DCAF15: variants seen among roughly 807,000 people sequenced by gnomAD.
DCAF15 encodes the protein DDB1 and CUL4 associated factor 15.
A neutral mutation model predicts 68.0 loss-of-function variants in DCAF15; 24 were observed. The ratio of observed to expected loss-of-function variants is 0.35; its 90% CI spans 0.26 to 0.50. The LOEUF is 0.50. DCAF15 is among the 20% of genes least tolerant of loss of function. DCAF15 has a pLI of 0.98. For synonymous variants in DCAF15, 376 were observed against 341.6 expected (o/e 1.10, Z -1.11); for missense variants, 627 against 830.6 (o/e 0.75, Z 3.01).
intron 1 of DCAF15, among the ~76,000 whole-genome samples, 193 bp from the exon 2 acceptor site, chr19:13,954,147 G>A (rs1372309577): frequency 6.6e-6 from 1 of 152,198 alleles, no homozygotes; most frequent in Non-Finnish European, 1.5e-5. Context: ...GAAGGCTCAA[G>A]CGCGGTCCAT....
chr19:13,958,380 G>A (rs550093142), intron 6 of DCAF15, among the ~76,000 whole-genome samples: 1 of 152,186 alleles, frequency 6.6e-6, no homozygotes, highest in African/African-American at 2.4e-5. Context: ...ATTTTTCTCA[G>A]ATGTGACCTT....
At chr19:13,954,077 A>G (rs1486777978) in intron 1 of DCAF15, among the ~76,000 whole-genome samples, 1 of 152,126 alleles carries the variant, frequency 6.6e-6, no homozygotes, top group African/African-American at 2.4e-5. Context: ...CTCAGTCAAG[A>G]GGGACCTGAG....
chr19:13,959,349 C>G lies in DCAF15; in HGVS notation c.1089C>G (p.Ala363=). The G allele has an allele frequency of 1.2e-6, 2 of 1,606,174 alleles. No individual in the cohort carries two copies. Among genetic ancestry groups the G allele is most frequent in the Non-Finnish European group, 1.7e-6 (2 of 1,179,758 alleles). ...GCCGTGCGCACTCTGAGCCCCTAGC[C>G]CTGTGTGGAGAGACGGCACCCCGGG... ...SRCRAHSEPL[A]LCGETAPRDS... is the part of the protein sequence containing the mutation. The change falls in exon 7 of 13, where the codon GCC becomes GCG. Residue 363 remains alanine (A), a synonymous_variant. Transcript: ENST00000254337.
In DCAF15 at chr19:13,960,551, A is replaced by G. The variant is rs1455097245; in HGVS notation, c.1718A>G (p.Asn573Ser). Residue 573 changes from asparagine to serine, a missense_variant, in exon 12 of 13, where the codon AAC (asparagine) becomes AGC (serine). Around this residue, in one of 3 missense-constraint regions of DCAF15, gnomAD observed 118 missense variants for 211.8 expected, o/e 0.56. Transcript: ENST00000254337. ...CCGGAGAGCAGCGGCCGCTACGTCA[A>G]CAGGATGACCAATGAGGCGCTGCAC... ...LVPESSGRYV[N>S]RMTNEALHKG... 1.9e-6 allele frequency: 3 copies of G among 1,598,976 alleles called. No individual in the cohort carries two copies. Among genetic ancestry groups the G allele is most frequent in the Admixed American group, 1.8e-5 (1 of 56,694 alleles).
chr19:13,960,359 A>G lies in DCAF15; in HGVS notation c.1599A>G (p.Val533=). ...LNTGIFETVS[V]GDLTEVKGQT... The stretch of plus-strand genomic sequence containing the variant: ...CAGGGATCTTCGAGACAGTCAGTGT[A>G]GGCGACCTGACTGAGGTCAAAGGGC... The change falls in exon 11 of 13, where the codon GTA becomes GTG. Residue 533 remains valine (V), a synonymous_variant. Coordinates refer to ENST00000254337, the MANE Select transcript of DCAF15 (RefSeq NM_138353.4). The G allele has an allele frequency of 1.9e-6, 3 of 1,614,056 alleles. No individual in the cohort carries two copies. Among genetic ancestry groups the G allele is most frequent in the Non-Finnish European group, 2.5e-6 (3 of 1,180,002 alleles).
intron 6 of DCAF15, 61 bp downstream of exon 6, chr19:13,956,583 A>G: frequency 1.3e-6 from 2 of 1,574,536 alleles, no homozygotes; most frequent in South Asian, 2.2e-5. Flanking sequence ...TCCCTACCCC[A>G]CCACACAGAC....
intron 6 of DCAF15, among the ~76,000 whole-genome samples, chr19:13,958,362 C>A (rs767143310): frequency 6.6e-6 from 1 of 152,000 alleles, no homozygotes; most frequent in Non-Finnish European, 1.5e-5. Context: ...GAGGGGAGCC[C>A]GTACTCGATT....
At chr19:13,957,757 G>T (rs1443367290) in intron 6 of DCAF15, among the ~76,000 whole-genome samples, 1 of 152,006 alleles carries the variant, frequency 6.6e-6, no homozygotes, top group African/African-American at 2.4e-5. Flanking sequence ...AAAAATATAA[G>T]AATTAGCTGG....
At position 13,960,447 on chromosome 19, in the gene DCAF15, C is replaced by T; in HGVS notation, c.1632-18C>T. 8 of 1,611,766 alleles carry T rather than the reference C, an allele frequency of 5.0e-6. No homozygotes were observed. Among genetic ancestry groups the T allele is most frequent in the Non-Finnish European group, 6.8e-6 (8 of 1,178,972 alleles). The stretch of plus-strand genomic sequence containing the variant: ...CGCGGCCAAGGCGACGAGAGCCACT[C>T]ACCCCCTGGCCCCGCAGCGGCAGTG... On this transcript the variant is annotated intron_variant, in intron 11 of 12. Coordinates refer to ENST00000254337, the MANE Select transcript of DCAF15 (RefSeq NM_138353.4).
In DCAF15 at chr19:13,959,118, C is replaced by G; in HGVS notation, c.858C>G (p.Pro286=). The G allele has an allele frequency of 6.2e-7, 1 of 1,612,602 alleles. No homozygotes were observed. The highest frequency in any genetic ancestry group is 8.5e-7 in the Non-Finnish European group (1 of 1,179,738). ...CPLAPASPPE[P]QSPELPPALP... is the part of the protein sequence containing the mutation. Reference sequence around the variant, plus strand: ...TGGCGCCTGCCAGCCCCCCTGAGCCCCAGAGCCCAGAGCTGCCCCCTGCCC... The same window carrying G: ...TGGCGCCTGCCAGCCCCCCTGAGCCGCAGAGCCCAGAGCTGCCCCCTGCCC... The change falls in exon 7 of 13, where the codon CCC becomes CCG. Residue 286 remains proline (P), a synonymous_variant. Transcript: ENST00000254337.
At chr19:13,953,666 G>A (rs1400842374) in intron 1 of DCAF15, among the ~76,000 whole-genome samples, 2 of 152,246 alleles carry the variant, frequency 1.3e-5, no homozygotes, top group Non-Finnish European at 2.9e-5. Flanking sequence ...AGGCAGAGTT[G>A]GGTAGCAAGA....
chr19:13,953,329 G>A, intron 1 of DCAF15: 3 of 558,692 alleles, frequency 5.4e-6, no homozygotes, highest in Non-Finnish European at 9.4e-6. Flanking sequence ...ACTGGGGCAA[G>A]GCTGTGTCTC....
rs777356339 is a variant in DCAF15 at position 13,956,417 on chromosome 19, C to A, written c.679C>A (p.Pro227Thr). The A allele has an allele frequency of 6.2e-7, 1 of 1,613,902 alleles. No homozygotes were observed. The highest frequency in any genetic ancestry group is 8.5e-7 in the Non-Finnish European group (1 of 1,180,020). The change falls in exon 6 of 13, where the codon CCC becomes ACC. Residue 227 changes from proline to threonine, a missense_variant. Physicochemically the swap from Pro to Thr is conservative, Grantham distance 38. Transcript: ENST00000254337. ...GCACACCAAGTACCAGGTGGTCTAC[C>A]CCTTCCCCACCTTCCAGCCCGCCTT... is the stretch of plus-strand genomic sequence containing the variant. Reference protein sequence around the residue: ...MLHTKYQVVYPFPTFQPAFQL... With the variant: ...MLHTKYQVVYTFPTFQPAFQL...
chr19:13,959,465 CGG>C lies in DCAF15; in HGVS notation c.1206_1207del (p.Glu403AlafsTer4). On this transcript the variant is annotated frameshift_variant, in exon 7 of 13. Transcript: ENST00000254337. LOFTEE classifies it high-confidence loss of function. ...TATGTGCTGGAGTCCGGAGAGGGGA[CGG>C]AGCCGGAGGATGGTGAGCGGGGGGC... is the stretch of plus-strand genomic sequence containing the variant. 1 of 1,609,252 alleles carries C rather than the reference CGG, an allele frequency of 6.2e-7. No homozygotes were observed. Among genetic ancestry groups the C allele is most frequent in the Non-Finnish European group, 8.5e-7 (1 of 1,177,920 alleles).
rs1026424269 is a variant in DCAF15, at chr19:13,961,078, C to T, written c.*83C>T. ...CTTCCTGGGGTGGCCTCTTCCTGGC[C>T]GGCTGGCCCACCGACTGATGACCGG... On this transcript the variant is annotated 3_prime_UTR_variant, in exon 13 of 13. Coordinates refer to ENST00000254337, the MANE Select transcript of DCAF15 (RefSeq NM_138353.4). 31 of 1,549,088 alleles carry T rather than the reference C, an allele frequency of 2.0e-5. No individual in the cohort carries two copies. Among genetic ancestry groups the T allele is most frequent in the East Asian group, 1.4e-4 (6 of 43,880 alleles).
intron 6 of DCAF15, 66 bp from the exon 7 acceptor site, chr19:13,958,979 C>T (rs1973474512): frequency 1.3e-6 from 2 of 1,522,350 alleles, no homozygotes; most frequent in Non-Finnish European, 8.8e-7. Context: ...CTGAAAACCC[C>T]TGGGGACACT....
chr19:13,959,152 T>G lies in DCAF15; in HGVS notation c.892T>G (p.Phe298Val). ...AGAGCTGCCCCCTGCCCTCCCCAGC[T>G]TCTGCCCTGAGGCGGCCCCAGCCCG... Reference protein sequence around the residue: ...SPELPPALPSFCPEAAPARSS... With the variant: ...SPELPPALPSVCPEAAPARSS... The change falls in exon 7 of 13, where the codon TTC becomes GTC. Residue 298 changes from phenylalanine (F) to valine (V), a missense_variant. Physicochemically the swap from Phe to Val is conservative, Grantham distance 50 (BLOSUM62 -1). Around this residue, in one of 3 missense-constraint regions of DCAF15, gnomAD observed 236 missense variants for 225.1 expected, o/e 1.05. Transcript: ENST00000254337. The G allele has an allele frequency of 6.2e-7, 1 of 1,612,478 alleles. No individual in the cohort carries two copies. The highest frequency in any genetic ancestry group is 8.5e-7 in the Non-Finnish European group (1 of 1,179,804).
chr19:13,953,714 C>G (rs1271905554), intron 1 of DCAF15, among the ~76,000 whole-genome samples: 2 of 152,250 alleles, frequency 1.3e-5, no homozygotes, highest in Non-Finnish European at 1.5e-5. Flanking sequence ...TGGCTTCTGC[C>G]TGTCAGTCCC....
intron 10 of DCAF15, 28 bp downstream of exon 10, chr19:13,960,097 T>C (rs754168344): frequency 6.2e-7 from 1 of 1,611,470 alleles, no homozygotes; most frequent in African/African-American, 1.3e-5. Flanking sequence ...GCCCTCTCTG[T>C]CCACTAGGGG....
Sources: allele counts gnomAD v4.1 joint callset (sites outside exome capture counted in the v4.1 genomes callset), GRCh38; gene constraint gnomAD v4.1.1; regional missense constraint gnomAD v4.1.1; transcripts MANE v1.5; gene names NCBI Gene and HGNC (gene_info 2026-07-23, HGNC 2026-07-21).